The following AGBL1 variants were observed in gnomAD, a reference collection of about 807,000 sequenced individuals.
AGBL1 encodes the protein AGBL carboxypeptidase 1.
AGBL1 carries 130 observed loss-of-function variants against 118.9 expected under a neutral mutation model. The ratio of observed to expected loss-of-function variants is 1.09; its 90% CI spans 0.95 to 1.26. The LOEUF (loss-of-function observed/expected upper bound fraction) is 1.26. Ranked by LOEUF, AGBL1 falls within the 50% of genes most tolerant of loss-of-function variation. The pLI is 0.00. For missense variants in AGBL1, 1,584 were observed against 1,298.1 expected, an observed-to-expected ratio of 1.22 and a Z score of -3.38; for synonymous variants, 555 against 478.9, an observed-to-expected ratio of 1.16 and a Z score of -2.08.
intron 7 of AGBL1, among the ~76,000 whole-genome samples, chr15:86,252,286 G>A (rs936191354): frequency 1.3e-5 from 2 of 152,172 alleles, no homozygotes; most frequent in African/African-American, 4.8e-5. Context: ...CAAGACCAAT[G>A]ACCTCAGCCT....
At chr15:86,855,520 G>A (rs1596555100) in intron 22 of AGBL1, among the ~76,000 whole-genome samples, 1 of 152,218 alleles carries the variant, frequency 6.6e-6, no homozygotes, top group South Asian at 2.1e-4. Context: ...CGTGGGAGAA[G>A]TGGTGCTTCC....
At chr15:86,142,651 C>T (rs1313333948) in intron 2 of AGBL1, among the ~76,000 whole-genome samples, 1 of 152,154 alleles carries the variant, frequency 6.6e-6, no homozygotes, top group Non-Finnish European at 1.5e-5. Flanking sequence ...AAATAAATGA[C>T]ACTCCAGACC....
intron 21 of AGBL1, among the ~76,000 whole-genome samples, chr15:86,658,355 ATATT>A (rs1306129427): frequency 1.3e-5 from 2 of 152,172 alleles, no homozygotes; most frequent in African/African-American, 4.8e-5. Flanking sequence ...AACTTACTAT[ATATT>A]TTTGCAAAAA....
intron 17 of AGBL1, among the ~76,000 whole-genome samples, chr15:86,391,968 C>T (rs2081294066): frequency 6.6e-6 from 1 of 152,008 alleles, no homozygotes; most frequent in Non-Finnish European, 1.5e-5. Flanking sequence ...TGTGAAAATT[C>T]ATTTTTTTTA....
intron 9 of AGBL1, among the ~76,000 whole-genome samples, chr15:86,258,852 G>A (rs2078938636): frequency 6.6e-6 from 1 of 152,108 alleles, no homozygotes; most frequent in African/African-American, 2.4e-5. Flanking sequence ...GACTGCAGAT[G>A]CCTACCACCA....
At chr15:86,879,857 G>T (rs1470896138) in intron 22 of AGBL1, among the ~76,000 whole-genome samples, 4 of 152,152 alleles carry the variant, frequency 2.6e-5, no homozygotes, top group Non-Finnish European at 1.5e-5. Flanking sequence ...CACCATAGGG[G>T]ATGTTGCCAG....
At chr15:86,454,849 C>T (rs570429380) in intron 18 of AGBL1, among the ~76,000 whole-genome samples, 12 of 152,224 alleles carry the variant, frequency 7.9e-5, no homozygotes, top group South Asian at 2.1e-4. Context: ...CATCAAACTA[C>T]GCTTTAGATG....
intron 21 of AGBL1, among the ~76,000 whole-genome samples, chr15:86,656,126 A>C (rs1241797292): frequency 6.6e-6 from 1 of 152,184 alleles, no homozygotes; most frequent in African/African-American, 2.4e-5. Context: ...TCTTTGTGTG[A>C]TGAATTTGGA....
chr15:86,880,952 G>A (rs1408632562), intron 22 of AGBL1, among the ~76,000 whole-genome samples: 2 of 152,108 alleles, frequency 1.3e-5, no homozygotes, highest in African/African-American at 4.8e-5. Flanking sequence ...AGGGGAGGGG[G>A]CGTCTGTGTG....
chr15:86,096,739 A>G (rs980243293), intron 1 of AGBL1, among the ~76,000 whole-genome samples: 1 of 152,162 alleles, frequency 6.6e-6, no homozygotes, highest in Non-Finnish European at 1.5e-5. Flanking sequence ...AATTCTTTCA[A>G]TATCCCTGGA....
intron 17 of AGBL1, among the ~76,000 whole-genome samples, chr15:86,343,793 G>C (rs1178459801): frequency 1.3e-5 from 2 of 152,130 alleles, no homozygotes; most frequent in African/African-American, 4.8e-5. Flanking sequence ...TCTTTCTCTA[G>C]AATGTGACCA....
In AGBL1 at chr15:86,271,670, C is replaced by G; in HGVS notation, c.2039C>G (p.Thr680Ser). Residue 680 changes from threonine to serine, a missense_variant, in exon 15 of 23, where the codon ACC becomes AGC. Thr to Ser is a moderately conservative substitution (Grantham distance 58). Coordinates refer to ENST00000614907, the MANE Select transcript of AGBL1 (RefSeq NM_001386094.1). ...AAGGAGGCTCTTCTTGGCAAACCCA[C>G]CTGGATAAGGACAGGCCATGAAATA... The part of the protein sequence containing the change: ...SVKEALLGKP[T>S]WIRTGHEICY... 6.2e-7 allele frequency: 1 copy of G among 1,613,464 alleles called. No individual in the cohort carries two copies. Among genetic ancestry groups the G allele is most frequent in the Non-Finnish European group, 8.5e-7 (1 of 1,179,452 alleles).
At chr15:86,981,128 C>G (rs2081228386) in intron 23 of AGBL1, among the ~76,000 whole-genome samples, 1 of 152,060 alleles carries the variant, frequency 6.6e-6, no homozygotes, top group African/African-American at 2.4e-5. Context: ...CTCAGGTGAT[C>G]CACCCACCTC....
Position 86,094,997 on chromosome 15 carries a change from C to T in AGBL1, c.51+14974C>T, listed in dbSNP as rs190136242. Among the ~76,000 whole-genome samples, 413 of 152,278 alleles carry T rather than the reference C, an allele frequency of 2.7e-3. 3 individuals carry two copies. Among genetic ancestry groups the T allele is most frequent in the Admixed American group, 6.2e-3 (95 of 15,296 alleles). On this transcript the variant is annotated intron_variant, in intron 1 of 22. Transcript: ENST00000614907. ...CATAGCCAGGGAGTTCCCACAGCTCCGTCTTCAGGTTTGATAATTTGCTAG... is the reference window on the plus strand; with the variant it reads ...CATAGCCAGGGAGTTCCCACAGCTCTGTCTTCAGGTTTGATAATTTGCTAG...
chr15:86,352,242 T>C (rs2080639343), intron 17 of AGBL1, among the ~76,000 whole-genome samples: 1 of 152,188 alleles, frequency 6.6e-6, no homozygotes, highest in Non-Finnish European at 1.5e-5. Flanking sequence ...AAGGGCTTAA[T>C]ACTCTGAGAG....
chr15:87,011,793 A>G (rs2081563063), intron 24 of AGBL1, among the ~76,000 whole-genome samples: 1 of 152,368 alleles, frequency 6.6e-6, no homozygotes, highest in Admixed American at 6.5e-5. Context: ...TGGCTTAGCC[A>G]CTTGTTTAAG....
chr15:86,084,455 T>C (rs1895499100), intron 1 of AGBL1, among the ~76,000 whole-genome samples: 1 of 152,214 alleles, frequency 6.6e-6, no homozygotes, highest in South Asian at 2.1e-4. Flanking sequence ...ATGAGGACAC[T>C]GATGGTTAAG....
intron 18 of AGBL1, among the ~76,000 whole-genome samples, chr15:86,469,874 T>C (rs2082456852): frequency 6.6e-6 from 1 of 152,198 alleles, no homozygotes; most frequent in African/African-American, 2.4e-5. Flanking sequence ...TTTGTATGTC[T>C]TCTTTTGAGA....
At chr15:86,143,983 C>T in intron 3 of AGBL1, 138 bp downstream of exon 3, 2 of 1,086,336 alleles carry the variant, frequency 1.8e-6, no homozygotes, top group Non-Finnish European at 2.6e-6. Context: ...ATGGTGATGG[C>T]AGGACCAGCC....
Sources: allele counts gnomAD v4.1 joint callset (sites outside exome capture counted in the v4.1 genomes callset), GRCh38; gene constraint gnomAD v4.1.1; transcripts MANE v1.5; gene names NCBI Gene and HGNC (gene_info 2026-07-23, HGNC 2026-07-21).